The following PKM variants were observed in gnomAD, a reference collection of about 807,000 sequenced individuals.
The protein encoded by PKM is pyruvate kinase PKM.
PKM carries 18 observed loss-of-function variants against 49.8 expected under a neutral mutation model. That is an observed-to-expected ratio of 0.36 (90% CI 0.25 to 0.54). The LOEUF is 0.54. PKM is among the 20% of genes least tolerant of loss of function. The pLI is 0.89. For missense variants in PKM, 508 were observed against 713.8 expected (o/e 0.71, Z 3.28); for synonymous variants, 239 against 261.8 (o/e 0.91, Z 0.84).
chr15:72,225,237 TCTTTA>T (rs1192704017), intron 1 of PKM, among the ~76,000 whole-genome samples: 1 of 151,484 alleles, frequency 6.6e-6, no homozygotes, highest in Non-Finnish European at 1.5e-5. Context: ...TGCCCGGCCC[TCTTTA>T]CTTTCTAAAA....
intron 1 of PKM, among the ~76,000 whole-genome samples, chr15:72,219,884 G>C (rs2082477876): frequency 6.6e-6 from 1 of 152,192 alleles, no homozygotes; most frequent in Non-Finnish European, 1.5e-5. Context: ...TACACATCCT[G>C]ATTTCTTTTC....
chr15:72,227,195 C>A lies in PKM; in HGVS notation c.-14+3921G>T, dbSNP rs183227378. ...AGCTCTATTCCCATCTGTATCAGAA[C>A]TGATGCTTAAAGGGACAACTTAAAA... is the stretch of plus-strand genomic sequence containing the variant. On this transcript the variant is annotated intron_variant, in intron 1 of 10. Transcript: ENST00000335181. Among the ~76,000 whole-genome samples, 13 of 152,352 alleles carry A rather than the reference C, an allele frequency of 8.5e-5. No individual in the cohort carries two copies. The East Asian group carries it at 2.5e-3, about 29-fold the overall frequency.
chr15:72,230,418 G>C (rs1028481784), intron 1 of PKM, among the ~76,000 whole-genome samples: 4 of 152,216 alleles, frequency 2.6e-5, no homozygotes, highest in Non-Finnish European at 5.9e-5. Context: ...TGGAAAAGGG[G>C]GGTGGGACCG....
chr15:72,217,642 A>T (rs981029466), intron 2 of PKM, 142 bp from the exon 3 acceptor site: 8 of 667,482 alleles, frequency 1.2e-5, no homozygotes, highest in African/African-American at 1.8e-5. Flanking sequence ...AAGTGCATGG[A>T]AGGCTACTAC....
At chr15:72,208,020 G>A (rs2082130769) in intron 6 of PKM, among the ~76,000 whole-genome samples, 1 of 152,246 alleles carries the variant, frequency 6.6e-6, no homozygotes, top group Non-Finnish European at 1.5e-5. Flanking sequence ...TACTTTGTGA[G>A]CATTGGGGAG....
chr15:72,209,391 A>T (rs2082171670), intron 5 of PKM: 1 of 134,780 alleles, frequency 7.4e-6, no homozygotes, highest in Non-Finnish European at 1.5e-5. Flanking sequence ...AAACACAGCG[A>T]AACAAATATA....
Position 72,200,745 on chromosome 15 carries a change from C to T in PKM, c.1308-90G>A. The T allele has an allele frequency of 8.7e-7, 1 of 1,148,108 alleles. No individual in the cohort carries two copies. Among genetic ancestry groups the T allele is most frequent in the Non-Finnish European group, 1.3e-6 (1 of 790,832 alleles). 71.1% of individuals were successfully genotyped at this position (1,148,108 alleles called of 1,614,324 possible). On this transcript the variant is annotated intron_variant, in intron 9 of 10. Coordinates refer to ENST00000335181, the MANE Select transcript of PKM (RefSeq NM_002654.6). This position sits in a 1 kb window ranked among gnomAD's most constrained non-coding sequence, Gnocchi z 4.6. ...GCGTTCAAACAGCTCACCCTCTCAT[C>T]CAGCTCACTGAGGGCTCTGGCCTCT...
intron 6 of PKM, among the ~76,000 whole-genome samples, 179 bp downstream of exon 6, chr15:72,208,429 AAAAACAAAAAAAC>A (rs200625198): frequency 0.023 from 3,543 of 151,890 alleles, 130 homozygotes; most frequent in African/African-American, 0.083. Context: ...TTTTTTTAAA[AAAAACAAAAAAAC>A]AAAAACAAAA....
In PKM at chr15:72,219,003, C is replaced by A. The variant is rs771046142; in HGVS notation, c.95G>T (p.Arg32Leu). The change falls in exon 2 of 11, where the codon CGC (arginine) becomes CTC (leucine). Residue 32 changes from arginine (R) to leucine (L), a missense_variant. Coordinates refer to ENST00000335181, the MANE Select transcript of PKM (RefSeq NM_002654.6). ...MADTFLEHMCRLDIDSPPITA... is the reference protein window; with the variant it reads ...MADTFLEHMCLLDIDSPPITA... ...GATGGGTGGTGAATCAATGTCCAGG[C>A]GGCACATGTGCTCCAGGAATGTGTC... The A allele has an allele frequency of 1.4e-5, 22 of 1,614,122 alleles. No homozygotes were observed. The highest frequency in any genetic ancestry group is 1.8e-5 in the Non-Finnish European group (21 of 1,180,018).
In PKM at chr15:72,202,101, C is replaced by A; in HGVS notation, c.1307+353G>T. The A allele has an allele frequency of 3.1e-6, 1 of 327,766 alleles. No individual in the cohort carries two copies. The highest frequency in any genetic ancestry group is 5.8e-6 in the Non-Finnish European group (1 of 171,100). The allele number at this position is 327,766 out of a possible 1,614,324, so 20.3% of individuals were successfully genotyped here. ...TTTCCCAACTGAAATTTTTAAAGAG[C>A]ACATAGTAACTGGAATAAGCAAAAG... On this transcript the variant is annotated intron_variant, in intron 9 of 10. Transcript: ENST00000335181. The surrounding 1 kb of genome is among the most constrained non-coding windows in gnomAD (Gnocchi z 4.5).
chr15:72,206,554 A>G (rs992601885), intron 8 of PKM, 174 bp downstream of exon 8: 33 of 542,672 alleles, frequency 6.1e-5, no homozygotes, highest in African/African-American at 2.8e-4. Context: ...AGAACAGGAG[A>G]AAAAAAAAAG....
At chr15:72,210,249 G>C (rs1409138231) in intron 4 of PKM, 98 bp downstream of exon 4, 1 of 1,274,092 alleles carries the variant, frequency 7.8e-7, no homozygotes, top group Non-Finnish European at 1.1e-6. Context: ...GTCCTTCATA[G>C]TACTGGGAAG....
At chr15:72,218,109 G>A (rs8192393) in intron 2 of PKM, among the ~76,000 whole-genome samples, 3,667 of 151,808 alleles carry the variant, frequency 0.024, 144 homozygotes, top group African/African-American at 0.085. Context: ...TACTCTTAGC[G>A]ATGTTTTTTT....
Position 72,210,400 on chromosome 15 carries a change from CA to C in PKM, c.324del (p.Ala109LeufsTer4). The C allele has an allele frequency of 6.2e-7, 1 of 1,614,220 alleles. No individual in the cohort carries two copies. The highest frequency in any genetic ancestry group is 8.5e-7 in the Non-Finnish European group (1 of 1,180,050). ...FASDPILYRP[V>X]AVALDTKGPE... ...GGTCCTTTAGTGTCTAGAGCCACAG[CA>C]ACGGGCCGGTAGAGGATGGGGTCAG... On this transcript the variant is annotated frameshift_variant, in exon 4 of 11. Transcript: ENST00000335181. LOFTEE classifies it high-confidence loss of function.
intron 3 of PKM, among the ~76,000 whole-genome samples, chr15:72,215,936 G>C (rs1476688077): frequency 6.6e-6 from 1 of 152,122 alleles, no homozygotes; most frequent in Non-Finnish European, 1.5e-5. Context: ...TTTTCCAAAA[G>C]GTACAGGGAC....
chr15:72,207,066 A>T (rs1024102900), intron 7 of PKM, 61 bp downstream of exon 7: 1 of 1,593,736 alleles, frequency 6.3e-7, no homozygotes, highest in African/African-American at 1.3e-5. Flanking sequence ...CAGCCTCCAG[A>T]GCTTTCCCAT....
At chr15:72,209,052 G>T in intron 5 of PKM, 161 bp from the exon 6 acceptor site, 1 of 745,172 alleles carries the variant, frequency 1.3e-6, no homozygotes. Context: ...GTAATCCTGG[G>T]CAAGCCATTT....
rs1596737920 is a variant in PKM at position 72,207,272 on chromosome 15, T to C, written c.842A>G (p.Asp281Gly). The change falls in exon 7 of 11, where the codon GAT becomes GGT. Residue 281 changes from aspartate to glycine, a missense_variant. Coordinates refer to ENST00000335181, the MANE Select transcript of PKM (RefSeq NM_002654.6). ...CCCATCACTGGCCTCCAGGATTTCA[T>C]CAAACCTGATGGACAAAGTTGGGGG... ...IENHEGVRRFDEILEASDGIM... is the reference protein window; with the variant it reads ...IENHEGVRRFGEILEASDGIM... 6.2e-7 allele frequency: 1 copy of C among 1,614,064 alleles called. No individual in the cohort carries two copies. The highest frequency in any genetic ancestry group is 8.5e-7 in the Non-Finnish European group (1 of 1,179,948).
At chr15:72,207,500 G>A (rs532835927) in intron 6 of PKM, among the ~76,000 whole-genome samples, 129 of 152,334 alleles carry the variant, frequency 8.5e-4, no homozygotes, top group Middle Eastern at 3.4e-3. Context: ...CACCAATATG[G>A]ATGCTTCATT....
Sources: allele counts gnomAD v4.1 joint callset (sites outside exome capture counted in the v4.1 genomes callset), GRCh38; gene constraint gnomAD v4.1.1; non-coding constraint Gnocchi (gnomAD v3.1); transcripts MANE v1.5; gene names NCBI Gene and HGNC (gene_info 2026-07-23, HGNC 2026-07-21).